SH3D19: variants seen among roughly 807,000 people sequenced by gnomAD.
The protein encoded by SH3D19 is SH3 domain containing 19.
In SH3D19, 58 loss-of-function variants were observed where a neutral mutation model predicts 112.1. The observed-to-expected ratio is 0.52, with a 90% CI of 0.42 to 0.64. The LOEUF (loss-of-function observed/expected upper bound fraction) is 0.64, where lower values mean the gene tolerates loss of function less well. SH3D19 is among the 30% of genes least tolerant of loss of function. SH3D19 has a pLI of 0.00. For missense variants in SH3D19, 1,090 were observed against 1,263.4 expected, an observed-to-expected ratio of 0.86 and a Z score of 2.08; for synonymous variants, 391 against 448.5, an observed-to-expected ratio of 0.87 and a Z score of 1.62.
intron 2 of SH3D19, among the ~76,000 whole-genome samples, chr4:151,199,216 T>G (rs1207366865): frequency 1.3e-5 from 2 of 152,320 alleles, no homozygotes; most frequent in Non-Finnish European, 1.5e-5. Flanking sequence ...TAATATATTA[T>G]GTATCTGAGG....
chr4:151,216,486 C>A (rs933865871), intron 2 of SH3D19, among the ~76,000 whole-genome samples: 4 of 152,048 alleles, frequency 2.6e-5, no homozygotes, highest in African/African-American at 7.2e-5. Context: ...ACTGTATAAA[C>A]AACTACTTCT....
At chr4:151,278,966 T>C (rs535230651) in intron 1 of SH3D19, 2 of 234,850 alleles carry the variant, frequency 8.5e-6, no homozygotes, top group East Asian at 2.1e-4. Flanking sequence ...ATTGGTTCAT[T>C]TATGTAGTCA....
intron 1 of SH3D19, among the ~76,000 whole-genome samples, chr4:151,299,907 T>C (rs1283148269): frequency 6.6e-6 from 1 of 151,862 alleles, no homozygotes; most frequent in Non-Finnish European, 1.5e-5. Context: ...GCGAAAGAAA[T>C]AAAACCAATG....
At chr4:151,129,829 G>T (rs1466709240) in intron 17 of SH3D19, among the ~76,000 whole-genome samples, 1 of 152,210 alleles carries the variant, frequency 6.6e-6, no homozygotes, top group Admixed American at 6.5e-5. Context: ...CTAACATTTA[G>T]CCCAGTGCCT....
chr4:151,197,865 G>A (rs1763705511), intron 2 of SH3D19, among the ~76,000 whole-genome samples: 1 of 152,082 alleles, frequency 6.6e-6, no homozygotes, highest in African/African-American at 2.4e-5. Context: ...TAGAAATTAG[G>A]TCAGTTTGAA....
chr4:151,301,427 A>G (rs1163261319), intron 1 of SH3D19, among the ~76,000 whole-genome samples: 2 of 152,156 alleles, frequency 1.3e-5, no homozygotes, highest in African/African-American at 4.8e-5. Flanking sequence ...GGATTTCTCC[A>G]TGTTGGTCAG....
Position 151,128,421 on chromosome 4 carries a change from C to T in SH3D19, c.2743-65G>A, listed in dbSNP as rs138323904. ...TTATTTGAAATTGAGTTCTACAAAGCTTAAAAAGTAGTGGGGAAAAAAAAA... is the reference window on the plus strand; with the variant it reads ...TTATTTGAAATTGAGTTCTACAAAGTTTAAAAAGTAGTGGGGAAAAAAAAA... On this transcript the variant is annotated intron_variant, in intron 17 of 19. Coordinates refer to ENST00000604030, the MANE Select transcript of SH3D19 (RefSeq NM_001378122.1). The T allele has an allele frequency of 2.4e-4, 338 of 1,400,912 alleles. No homozygotes were observed. In the African/African-American group the frequency reaches 4.4e-3, roughly 18 times the overall value. The allele number at this position is 1,400,912 out of a possible 1,614,324, so 86.8% of individuals were successfully genotyped here.
At chr4:151,267,369 A>G (rs1772880605) in intron 1 of SH3D19, among the ~76,000 whole-genome samples, 1 of 152,022 alleles carries the variant, frequency 6.6e-6, no homozygotes, top group African/African-American at 2.4e-5. Flanking sequence ...CCACTATACC[A>G]AATTACCTCC....
At position 151,150,035 on chromosome 4, in the gene SH3D19, A is replaced by G. The variant is rs907910363; in HGVS notation, c.1756-474T>C. Among the ~76,000 whole-genome samples the G allele has an allele frequency of 2.6e-5, 4 of 151,076 alleles. No homozygotes were observed. The Admixed American group carries it at 2.7e-4, about 10-fold the overall frequency. ...CCCATCTCTACTAAAAATACAAAAA[A>G]TTAGCTGGGCATGGTGGCGGACACC... On this transcript the variant is annotated intron_variant, in intron 9 of 19. Transcript: ENST00000604030.
chr4:151,133,168 C>G lies in SH3D19; in HGVS notation c.2555G>C (p.Gly852Ala). Residue 852 changes from glycine (G) to alanine (A), a missense_variant, in exon 16 of 20, where the codon GGA becomes GCA. Coordinates refer to ENST00000604030, the MANE Select transcript of SH3D19 (RefSeq NM_001378122.1). Reference protein sequence around the residue: ...EQKDELSFSEGEIIILKEYVN... With the variant: ...EQKDELSFSEAEIIILKEYVN... ...ATACTCTTTAAGAATAATAATTTCTCCCTCTGAGAAACTCAACTCATCCTT... is the reference window on the plus strand; with the variant it reads ...ATACTCTTTAAGAATAATAATTTCTGCCTCTGAGAAACTCAACTCATCCTT... 6.2e-7 allele frequency: 1 copy of G among 1,614,126 alleles called. No homozygotes were observed. The highest frequency in any genetic ancestry group is 8.5e-7 in the Non-Finnish European group (1 of 1,180,008).
At chr4:151,258,991 G>A (rs1772162191) in intron 1 of SH3D19, among the ~76,000 whole-genome samples, 1 of 152,070 alleles carries the variant, frequency 6.6e-6, no homozygotes, top group Admixed American at 6.5e-5. Flanking sequence ...GACTAGGAAA[G>A]GCTGCACAGG....
intron 1 of SH3D19, among the ~76,000 whole-genome samples, chr4:151,291,872 T>G (rs1775361504): frequency 6.6e-6 from 1 of 152,188 alleles, no homozygotes; most frequent in South Asian, 2.1e-4. Flanking sequence ...TATCTTTAAC[T>G]TCCCTTCTAA....
chr4:151,228,516 T>C (rs1769322383), intron 1 of SH3D19, among the ~76,000 whole-genome samples: 1 of 127,250 alleles, frequency 7.9e-6, no homozygotes, highest in Admixed American at 9.2e-5. Context: ...TATATACTTA[T>C]ACTTTTTCAT....
intron 1 of SH3D19, among the ~76,000 whole-genome samples, chr4:151,236,194 TG>T (rs1770024116): frequency 6.6e-6 from 1 of 152,212 alleles, no homozygotes; most frequent in South Asian, 2.1e-4. Flanking sequence ...GGCCCCTCTC[TG>T]GGGCTGGCCG....
At chr4:151,153,610 A>T (rs1351648546) in intron 9 of SH3D19, among the ~76,000 whole-genome samples, 2 of 152,034 alleles carry the variant, frequency 1.3e-5, no homozygotes, top group Admixed American at 6.6e-5. Flanking sequence ...TTTTTTTTAA[A>T]AAAAAAGGGA....
intron 1 of SH3D19, among the ~76,000 whole-genome samples, chr4:151,264,888 T>C (rs1772653978): frequency 6.6e-6 from 1 of 152,042 alleles, no homozygotes; most frequent in Non-Finnish European, 1.5e-5. Context: ...TAAAATACAA[T>C]AATAGACACA....
rs760526887 is a variant in SH3D19 at position 151,143,955 on chromosome 4, C to A, written c.2178G>T (p.Met726Ile). 3 of 1,614,020 alleles carry A rather than the reference C, an allele frequency of 1.9e-6. No individual in the cohort carries two copies. The highest frequency in any genetic ancestry group is 2.5e-6 in the Non-Finnish European group (3 of 1,179,982). The change falls in exon 12 of 20, where the codon ATG (methionine) becomes ATT (isoleucine). Residue 726 changes from methionine to isoleucine, a missense_variant. Coordinates refer to ENST00000604030, the MANE Select transcript of SH3D19 (RefSeq NM_001378122.1). ...GTTCATCAAGTGGAGTGATAATCTT[C>A]ATTTGAGACAGGTGAACTCTGCCAG... ...EDTGRVHLSQMKIITPLDEHL... is the reference protein window; with the variant it reads ...EDTGRVHLSQIKIITPLDEHL...
chr4:151,166,803 G>A lies in SH3D19; in HGVS notation c.1535-1107C>T, dbSNP rs77382939. On this transcript the variant is annotated intron_variant, in intron 7 of 19. Transcript: ENST00000604030. ...AGCAGCTCTTTGCAGGATACGTGAAGGGCTGAGCTAAGAATAAAAGCCCTT... is the reference window on the plus strand; with the variant it reads ...AGCAGCTCTTTGCAGGATACGTGAAAGGCTGAGCTAAGAATAAAAGCCCTT... Among the ~76,000 whole-genome samples, 382 of 152,248 alleles carry A rather than the reference G, an allele frequency of 2.5e-3. 1 individual carries two copies. The highest frequency in any genetic ancestry group is 8.9e-3 in the African/African-American group (370 of 41,556).
At chr4:151,127,476 T>A in intron 19 of SH3D19, 142 bp downstream of exon 19, 1 of 525,822 alleles carries the variant, frequency 1.9e-6, no homozygotes, top group Non-Finnish European at 3.3e-6. Flanking sequence ...CTTTCTCTAA[T>A]GTCTTCCCCT....
Sources: gnomAD v4.1 joint callset for allele counts (sites outside exome capture counted in the v4.1 genomes callset) on GRCh38, gnomAD v4.1.1 for gene constraint, MANE v1.5 for transcripts, NCBI Gene and HGNC (gene_info 2026-07-23, HGNC 2026-07-21) for gene names.